Variants in PPP1R9A observed in about 807,000 individuals in gnomAD.
The protein encoded by PPP1R9A is neurabin-1.
Under a neutral mutation model 141.9 loss-of-function variants are expected in PPP1R9A, and 59 were observed. That is an observed-to-expected ratio of 0.42 (90% CI 0.34 to 0.52). PPP1R9A has a LOEUF of 0.52. PPP1R9A is among the 20% of genes least tolerant of loss of function. The probability of loss-of-function intolerance (pLI) is 0.10; values close to 1 mark genes in which losing one functional copy is unlikely to be tolerated. For missense variants in PPP1R9A, 1,444 were observed against 1,611.9 expected, an observed-to-expected ratio of 0.90 and a Z score of 1.78; for synonymous variants, 500 against 569.7, an observed-to-expected ratio of 0.88 and a Z score of 1.74.
At chr7:95,024,864 C>A (rs1259834045) in intron 2 of PPP1R9A, among the ~76,000 whole-genome samples, 1 of 152,104 alleles carries the variant, frequency 6.6e-6, no homozygotes, top group Non-Finnish European at 1.5e-5. Flanking sequence ...GCAGTTTCTT[C>A]CTAGTGTCAA....
At chr7:95,159,902 G>T (rs112947730) in intron 4 of PPP1R9A, among the ~76,000 whole-genome samples, 104 of 146,540 alleles carry the variant, frequency 7.1e-4, no homozygotes, top group African/African-American at 2.4e-3. Context: ...CTCCAGCCTG[G>T]GTGACAGAGG....
chr7:95,251,283 T>A (rs2153006924), intron 10 of PPP1R9A, among the ~76,000 whole-genome samples: 1 of 152,318 alleles, frequency 6.6e-6, no homozygotes, highest in East Asian at 1.9e-4. Flanking sequence ...TCCTTAGGTC[T>A]ATAAGTGAGT....
At position 95,276,761 on chromosome 7, in the gene PPP1R9A, T is replaced by TAGAAGAAC. The variant is rs201303887; in HGVS notation, c.3296+2595_3296+2602dup. On this transcript the variant is annotated intron_variant, in intron 16 of 19. Coordinates refer to ENST00000433360, the MANE Select transcript of PPP1R9A (RefSeq NM_001166160.2). ...TGGAAAGGAATTCATATAATTGGAA[T>TAGAAGAAC]AGAAGAACAAGGAAAGAAGAAGGAC... 6.3e-3 allele frequency among the ~76,000 whole-genome samples: 962 copies of TAGAAGAAC among 152,186 alleles called. 5 individuals are homozygous for TAGAAGAAC. Among genetic ancestry groups the TAGAAGAAC allele is most frequent in the South Asian group, 0.031 (152 of 4,826 alleles).
rs1214983719 is a variant in PPP1R9A, at chr7:95,250,200, G to T, written c.2341G>T (p.Ala781Ser). ...HLKETQSQYQALEKKYNKAKK... is the reference protein window; with the variant it reads ...HLKETQSQYQSLEKKYNKAKK... Reference sequence around the variant, plus strand: ...CAAAGAGACTCAAAGCCAGTATCAGGCCTTGGAAAAGAAATACAACAAGGC... The same window carrying T: ...CAAAGAGACTCAAAGCCAGTATCAGTCCTTGGAAAAGAAATACAACAAGGC... The change falls in exon 10 of 20, where the codon GCC (alanine) becomes TCC (serine). Residue 781 changes from alanine to serine, a missense_variant. Physicochemically the swap from Ala to Ser is moderately conservative, Grantham distance 99 (BLOSUM62 1). Transcript: ENST00000433360. The T allele has an allele frequency of 6.2e-7, 1 of 1,613,616 alleles. No homozygotes were observed. The highest frequency in any genetic ancestry group is 1.1e-5 in the South Asian group (1 of 90,896).
intron 4 of PPP1R9A, among the ~76,000 whole-genome samples, chr7:95,123,113 AACATAG>A (rs1389874772): frequency 6.6e-6 from 1 of 152,008 alleles, no homozygotes; most frequent in African/African-American, 2.4e-5. Flanking sequence ...TGTTGTTCTA[AACATAG>A]ACATATTTAT....
intron 2 of PPP1R9A, among the ~76,000 whole-genome samples, chr7:94,917,898 G>T (rs554686905): frequency 1.3e-5 from 2 of 152,256 alleles, no homozygotes; most frequent in South Asian, 4.2e-4. Context: ...TAATTTGATT[G>T]AAATCTCATC....
At chr7:95,043,204 T>C (rs543800167) in intron 2 of PPP1R9A, among the ~76,000 whole-genome samples, 1 of 152,324 alleles carries the variant, frequency 6.6e-6, no homozygotes, top group South Asian at 2.1e-4. Flanking sequence ...CCCTTGAGTT[T>C]TCTTTTACTT....
At chr7:95,236,208 C>T (rs1455695695) in intron 8 of PPP1R9A, among the ~76,000 whole-genome samples, 4 of 151,934 alleles carry the variant, frequency 2.6e-5, no homozygotes, top group South Asian at 2.1e-4. Flanking sequence ...GAAGTTTTTC[C>T]GTATTTTTTT....
At chr7:95,280,657 A>T (rs1037546364) in intron 16 of PPP1R9A, among the ~76,000 whole-genome samples, 1 of 152,184 alleles carries the variant, frequency 6.6e-6, no homozygotes, top group Non-Finnish European at 1.5e-5. Flanking sequence ...TCCAAAAATG[A>T]TAGCAAGCCA....
intron 2 of PPP1R9A, among the ~76,000 whole-genome samples, chr7:94,983,405 A>G (rs980786929): frequency 1.3e-5 from 2 of 152,164 alleles, no homozygotes; most frequent in Admixed American, 6.6e-5. Flanking sequence ...CATTGAATCT[A>G]TAAATTACCT....
intron 12 of PPP1R9A, among the ~76,000 whole-genome samples, chr7:95,259,124 A>G (rs1417023564): frequency 2.6e-5 from 4 of 152,226 alleles, no homozygotes; most frequent in African/African-American, 9.6e-5. Context: ...ACTACCACGC[A>G]TCTGAAGTTT....
chr7:94,955,534 T>TA (rs1468160781), intron 2 of PPP1R9A, among the ~76,000 whole-genome samples: 1 of 152,100 alleles, frequency 6.6e-6, no homozygotes, highest in African/African-American at 2.4e-5. Flanking sequence ...TGTTCTGTTC[T>TA]AAAAAAATGT....
chr7:95,094,353 A>G (rs1434554665), intron 2 of PPP1R9A, among the ~76,000 whole-genome samples: 1 of 152,222 alleles, frequency 6.6e-6, no homozygotes, highest in Non-Finnish European at 1.5e-5. Context: ...TTTGGAAAGT[A>G]CAAAAAAGTA....
chr7:95,008,766 ACCCCATTGAAGAATGG>A (rs1440911696), intron 2 of PPP1R9A, among the ~76,000 whole-genome samples: 1 of 152,102 alleles, frequency 6.6e-6, no homozygotes, highest in African/African-American at 2.4e-5. Context: ...GGTCACACCT[ACCCCATTGAAGAATGG>A]GAGAGAGTGG....
intron 2 of PPP1R9A, among the ~76,000 whole-genome samples, chr7:95,094,456 G>A (rs1817754612): frequency 6.6e-6 from 1 of 152,178 alleles, no homozygotes. Flanking sequence ...CTGACCCACA[G>A]TGATGTGATT....
chr7:95,290,169 G>A lies in PPP1R9A; in HGVS notation c.3991G>A (p.Ala1331Thr). Residue 1331 changes from alanine (A) to threonine (T), a missense_variant, in exon 20 of 20, where the codon GCT (alanine) becomes ACT (threonine). Coordinates refer to ENST00000433360, the MANE Select transcript of PPP1R9A (RefSeq NM_001166160.2). ...GGAAATGAAGATGTCTCTAGAGAAG[G>A]CTCGGAAGGCCCAAGAGAAAATGGA... ...LKEMKMSLEKARKAQEKMEKQ... is the reference protein window; with the variant it reads ...LKEMKMSLEKTRKAQEKMEKQ... The A allele has an allele frequency of 1.9e-6, 3 of 1,614,060 alleles. No homozygotes were observed. The highest frequency in any genetic ancestry group is 2.5e-6 in the Non-Finnish European group (3 of 1,180,016).
intron 2 of PPP1R9A, among the ~76,000 whole-genome samples, chr7:95,063,980 G>A (rs1485899740): frequency 6.6e-6 from 1 of 152,010 alleles, no homozygotes; most frequent in African/African-American, 2.4e-5. Flanking sequence ...TATAAAAATG[G>A]GGACTTTTGA....
At chr7:95,096,061 A>G (rs1428943670) in intron 2 of PPP1R9A, among the ~76,000 whole-genome samples, 5 of 152,176 alleles carry the variant, frequency 3.3e-5, no homozygotes, top group African/African-American at 1.2e-4. Context: ...AGATTGTAGA[A>G]AATTGTGCAA....
Position 95,161,876 on chromosome 7 carries a change from C to CAAT in PPP1R9A, c.1660_1662dup (p.Asn554dup). On this transcript the variant is annotated inframe_insertion, in exon 5 of 20. Coordinates refer to ENST00000433360, the MANE Select transcript of PPP1R9A (RefSeq NM_001166160.2). Reference sequence around the variant, plus strand: ...TTTCCTCTTTCTAAAGAATACAAGTCAATGACCAGATTGTGGAAGTGGATG... The same window carrying CAAT: ...TTTCCTCTTTCTAAAGAATACAAGTCAATAATGACCAGATTGTGGAAGTGGATG... The CAAT allele has an allele frequency of 6.2e-7, 1 of 1,606,462 alleles. No individual in the cohort carries two copies. The highest frequency in any genetic ancestry group is 8.5e-7 in the Non-Finnish European group (1 of 1,175,754).
Sources: gnomAD v4.1 joint callset for allele counts (sites outside exome capture counted in the v4.1 genomes callset) on GRCh38, gnomAD v4.1.1 for gene constraint, MANE v1.5 for transcripts, NCBI Gene and HGNC (gene_info 2026-07-23, HGNC 2026-07-21) for gene names.